The following HGSNAT variants were observed in gnomAD, a reference collection of about 807,000 sequenced individuals.
HGSNAT encodes the protein transmembrane protein 76.
A neutral mutation model predicts 85.2 loss-of-function variants in HGSNAT; 59 were observed. The observed-to-expected ratio is 0.69, with a 90% CI of 0.56 to 0.86. HGSNAT has a LOEUF of 0.86. Ranked by LOEUF, HGSNAT falls within the 40% of genes least tolerant of loss-of-function variation. HGSNAT has a pLI of 0.00. For missense variants in HGSNAT, 756 were observed against 777.1 expected (o/e 0.97, Z 0.32); for synonymous variants, 321 against 304.5 (o/e 1.05, Z -0.56).
In HGSNAT at chr8:43,140,513, G is replaced by A. The variant is rs867446205; in HGVS notation, c.17G>A (p.Arg6Lys). 68 of 1,072,362 alleles carry A rather than the reference G, an allele frequency of 6.3e-5. No homozygotes were observed. The East Asian group carries it at 2.4e-3, about 38-fold the overall frequency. 66.4% of individuals were successfully genotyped at this position (1,072,362 alleles called of 1,614,324 possible). Residue 6 changes from arginine to lysine, a missense_variant, in exon 1 of 18, where the codon AGG becomes AAG. Arg to Lys is a conservative substitution (Grantham distance 26). Transcript: ENST00000379644. ...GCGGCGGGCATGAGCGGGGCGGGCA[G>A]GGCGCTGGCCGCGCTGCTGCTGGCC... MSGAG[R>K]ALAALLLAAS...
Position 43,175,712 on chromosome 8 carries a change from C to T in HGSNAT, c.851+1969C>T, listed in dbSNP as rs185359907. Among the ~76,000 whole-genome samples, 53 of 151,424 alleles carry T rather than the reference C, an allele frequency of 3.5e-4. No individual in the cohort carries two copies. In the East Asian group the frequency reaches 7.2e-3, roughly 21 times the overall value. On this transcript the variant is annotated intron_variant, in intron 9 of 17. Coordinates refer to ENST00000379644, the MANE Select transcript of HGSNAT (RefSeq NM_152419.3). ...TCCCGAGTAGCTGGGATTACAGGTG[C>T]GCACCACCACACCTGGCTATTTTTT...
At chr8:43,168,074 A>G (rs990356318) in intron 5 of HGSNAT, 1 of 176,052 alleles carries the variant, frequency 5.7e-6, no homozygotes, top group African/African-American at 2.4e-5. Flanking sequence ...GCCCGCCACC[A>G]TGCCTGGCTA....
chr8:43,145,784 T>C (rs1445770149), intron 1 of HGSNAT, among the ~76,000 whole-genome samples: 2 of 151,934 alleles, frequency 1.3e-5, no homozygotes, highest in Non-Finnish European at 2.9e-5. Context: ...TTGAGCTGGC[T>C]ACGTGAAGAA....
In HGSNAT at chr8:43,193,619, T is replaced by G. The variant is rs945368717; in HGVS notation, c.1378-138T>G. On this transcript the variant is annotated intron_variant, in intron 13 of 17. Transcript: ENST00000379644. The stretch of plus-strand genomic sequence containing the variant: ...GCATTCTGCCTGTTATCCCTATAAG[T>G]TGGCAATGAATTTCTGCAGCAAAAA... The G allele has an allele frequency of 1.2e-5, 7 of 596,546 alleles. No homozygotes were observed. The Admixed American group carries it at 2.2e-4, about 19-fold the overall frequency. 37.0% of individuals were successfully genotyped at this position (596,546 alleles called of 1,614,324 possible).
At chr8:43,195,443 T>G (rs1804672500) in intron 14 of HGSNAT, among the ~76,000 whole-genome samples, 1 of 151,462 alleles carries the variant, frequency 6.6e-6, no homozygotes, top group Admixed American at 6.6e-5. Flanking sequence ...ATCATGAAGA[T>G]CTGCATCTTC....
At chr8:43,173,889 A>C in intron 9 of HGSNAT, 146 bp downstream of exon 9, 4 of 816,396 alleles carry the variant, frequency 4.9e-6, no homozygotes, top group Non-Finnish European at 7.7e-6. Context: ...GATAGTTCTC[A>C]TACTTGACCC....
At chr8:43,186,759 G>C (rs1280340309) in intron 11 of HGSNAT, among the ~76,000 whole-genome samples, 1 of 152,096 alleles carries the variant, frequency 6.6e-6, no homozygotes, top group Admixed American at 6.6e-5. Flanking sequence ...ATCTTTTCCT[G>C]CTTTCTCTTG....
chr8:43,158,831 A>G, intron 3 of HGSNAT, 92 bp from the exon 4 acceptor site: 1 of 1,503,206 alleles, frequency 6.7e-7, no homozygotes, highest in Non-Finnish European at 9.0e-7. Context: ...GTACCCAGGA[A>G]CATGTATTAT....
rs757385876 is a variant in HGSNAT, at chr8:43,182,212, T to G, written c.1080T>G (p.Ala360=). 7 of 1,614,024 alleles carry G rather than the reference T, an allele frequency of 4.3e-6. No individual in the cohort carries two copies. The highest frequency in any genetic ancestry group is 5.1e-6 in the Non-Finnish European group (6 of 1,179,894). The change falls in exon 11 of 18, where the codon GCT becomes GCG. Residue 360 remains alanine, a synonymous_variant. Transcript: ENST00000379644. ...TGGGAGTGACATACTTTGTGGTTGC[T>G]GTGTTGGAGCTCCTCTTTGCTAAAC... ...QRLGVTYFVV[A]VLELLFAKPV...
intron 13 of HGSNAT, 78 bp from the exon 14 acceptor site, chr8:43,193,679 T>G: frequency 1.1e-6 from 1 of 903,170 alleles, no homozygotes; most frequent in Non-Finnish European, 1.8e-6. Context: ...GTATTCAGGT[T>G]TGTATTTGGT....
intron 11 of HGSNAT, among the ~76,000 whole-genome samples, chr8:43,185,294 G>GT (rs771226172): frequency 2.6e-5 from 4 of 152,166 alleles, no homozygotes; most frequent in African/African-American, 4.8e-5. Flanking sequence ...CCATTTGTTT[G>GT]TGTCCTCTTT....
At chr8:43,170,807 C>A in intron 7 of HGSNAT, 113 bp downstream of exon 7, 1 of 658,156 alleles carries the variant, frequency 1.5e-6, no homozygotes, top group Non-Finnish European at 2.5e-6. Flanking sequence ...ACTTTCTAGG[C>A]TAGGAAGGAT....
intron 1 of HGSNAT, among the ~76,000 whole-genome samples, chr8:43,146,347 C>T (rs1312397882): frequency 1.3e-5 from 2 of 152,204 alleles, no homozygotes; most frequent in African/African-American, 2.4e-5. Context: ...CCCTGGGCCT[C>T]GCTAACCTGT....
At chr8:43,164,358 C>G (rs1235057028) in intron 5 of HGSNAT, among the ~76,000 whole-genome samples, 1 of 152,156 alleles carries the variant, frequency 6.6e-6, no homozygotes, top group Non-Finnish European at 1.5e-5. Flanking sequence ...TCGTGGCAAC[C>G]CTGCATCCAG....
chr8:43,161,553 A>G, intron 5 of HGSNAT, 46 bp downstream of exon 5: 1 of 1,450,014 alleles, frequency 6.9e-7, no homozygotes, highest in Non-Finnish European at 9.5e-7. Flanking sequence ...GAGTATAGAA[A>G]TAACACATTC....
chr8:43,196,176 CT>C, intron 14 of HGSNAT: 1 of 306,704 alleles, frequency 3.3e-6, no homozygotes, highest in Non-Finnish European at 6.4e-6. Context: ...ACAGCACCTA[CT>C]TCAGAAGGGT....
intron 5 of HGSNAT, 61 bp from the exon 6 acceptor site, chr8:43,169,112 C>A: frequency 3.3e-6 from 3 of 899,654 alleles, no homozygotes; most frequent in Non-Finnish European, 5.0e-6. Flanking sequence ...ATATAATATC[C>A]AATCATTTAA....
chr8:43,190,072 T>A (rs985813773), intron 11 of HGSNAT, among the ~76,000 whole-genome samples: 3 of 152,198 alleles, frequency 2.0e-5, no homozygotes, highest in African/African-American at 4.8e-5. Context: ...TTGAGGATAA[T>A]CCCCAGGTAG....
chr8:43,189,374 T>C lies in HGSNAT; in HGVS notation c.1129-2100T>C, dbSNP rs187597612. On this transcript the variant is annotated intron_variant, in intron 11 of 17. Transcript: ENST00000379644. ...CCAGCCTCGCTGCCACCTTGCAGTTTGATCTCAGACTGCTGTGCTAGCAAT... is the reference window on the plus strand; with the variant it reads ...CCAGCCTCGCTGCCACCTTGCAGTTCGATCTCAGACTGCTGTGCTAGCAAT... Among the ~76,000 whole-genome samples, 663 of 152,276 alleles carry C rather than the reference T, an allele frequency of 4.4e-3. 8 individuals carry two copies. The highest frequency in any genetic ancestry group is 0.015 in the African/African-American group (634 of 41,564).
Sources: gnomAD v4.1 joint callset for allele counts (sites outside exome capture counted in the v4.1 genomes callset) on GRCh38, gnomAD v4.1.1 for gene constraint, MANE v1.5 for transcripts, NCBI Gene and HGNC (gene_info 2026-07-23, HGNC 2026-07-21) for gene names.